Variants in SRGAP1 observed in about 807,000 individuals in gnomAD.
SRGAP1 encodes the protein SLIT-ROBO Rho GTPase-activating protein 1.
In SRGAP1, 43 loss-of-function variants were observed where a neutral mutation model predicts 121.9. The ratio of observed to expected loss-of-function variants is 0.35; its 90% CI spans 0.28 to 0.46. SRGAP1 has a LOEUF of 0.46. Among genes scored for constraint, SRGAP1 ranks in the 20% least tolerant of loss-of-function variants. The probability of loss-of-function intolerance (pLI) is 1.00; values close to 1 mark genes in which losing one functional copy is unlikely to be tolerated. For missense variants in SRGAP1, 1,102 were observed against 1,350.9 expected, an observed-to-expected ratio of 0.82 and a Z score of 2.89; for synonymous variants, 447 against 485.4, an observed-to-expected ratio of 0.92 and a Z score of 1.04.
intron 1 of SRGAP1, among the ~76,000 whole-genome samples, chr12:63,913,191 CTTCTTTTTTTTTTT>C (rs2030594302): frequency 1.8e-5 from 2 of 111,810 alleles, no homozygotes; most frequent in Non-Finnish European, 3.6e-5. Context: ...CTGGTAAATC[CTTCTTTTTTTTTTT>C]TTTTTTTTTT....
chr12:63,853,441 T>C (rs1436310567), intron 1 of SRGAP1, among the ~76,000 whole-genome samples: 5 of 152,236 alleles, frequency 3.3e-5, no homozygotes, highest in African/African-American at 4.8e-5. Flanking sequence ...CACTGGTAAA[T>C]TGTTAACTAA....
chr12:63,922,226 A>C (rs1399715928), intron 1 of SRGAP1, among the ~76,000 whole-genome samples: 2 of 151,998 alleles, frequency 1.3e-5, no homozygotes, highest in Non-Finnish European at 2.9e-5. Flanking sequence ...TGATCCACCC[A>C]CCTCAGCCTC....
chr12:64,056,055 A>T, intron 6 of SRGAP1, among the ~76,000 whole-genome samples: 1 of 142,946 alleles, frequency 7.0e-6, no homozygotes, highest in Admixed American at 6.9e-5. Flanking sequence ...CATCCTCCAC[A>T]CACATAACAA....
Position 64,079,483 on chromosome 12 carries a change from T to TTATATTTATA in SRGAP1, c.1323+381_1323+390dup, listed in dbSNP as rs1248190143. 2.7e-5 allele frequency among the ~76,000 whole-genome samples: 4 copies of TTATATTTATA among 147,986 alleles called. No homozygotes were observed. In the East Asian group the frequency reaches 5.9e-4, roughly 22 times the overall value. On this transcript the variant is annotated intron_variant, in intron 9 of 21. Coordinates refer to ENST00000355086, the MANE Select transcript of SRGAP1 (RefSeq NM_020762.4). ...GTCTCTACAAAACATATATATATAT[T>TTATATTTATA]TATATTTATATATATTTATATATGT...
At chr12:64,073,407 A>G (rs184175074) in intron 8 of SRGAP1, among the ~76,000 whole-genome samples, 1 of 152,330 alleles carries the variant, frequency 6.6e-6, no homozygotes, top group African/African-American at 2.4e-5. Context: ...TTATGTAACC[A>G]TCTGTCTCAT....
chr12:63,905,955 TAC>T (rs1185339437), intron 1 of SRGAP1, among the ~76,000 whole-genome samples: 1 of 152,206 alleles, frequency 6.6e-6, no homozygotes, highest in African/African-American at 2.4e-5. Flanking sequence ...CCTAAATTGA[TAC>T]AGTTGTGCAG....
At chr12:63,923,443 C>T (rs759173667) in intron 1 of SRGAP1, among the ~76,000 whole-genome samples, 40 of 152,098 alleles carry the variant, frequency 2.6e-4, no homozygotes, top group Non-Finnish European at 4.3e-4. Flanking sequence ...ATAAGGAAAT[C>T]AATCTGTTGT....
At chr12:64,091,076 T>C (rs1478571422) in intron 11 of SRGAP1, among the ~76,000 whole-genome samples, 200 bp from the exon 12 acceptor site, 1 of 152,090 alleles carries the variant, frequency 6.6e-6, no homozygotes, top group Non-Finnish European at 1.5e-5. Flanking sequence ...GAAACAGCAG[T>C]GTGAATAAAC....
intron 4 of SRGAP1, among the ~76,000 whole-genome samples, chr12:64,022,303 A>G (rs1413189443): frequency 1.3e-5 from 2 of 152,220 alleles, no homozygotes; most frequent in African/African-American, 4.8e-5. Context: ...GTCTGAGTTC[A>G]GGCCTGAAAA....
At chr12:63,925,603 C>T (rs866727783) in intron 1 of SRGAP1, among the ~76,000 whole-genome samples, 1 of 152,096 alleles carries the variant, frequency 6.6e-6, no homozygotes, top group Non-Finnish European at 1.5e-5. Context: ...ACTTAATTTT[C>T]ACAGTCACAG....
intron 1 of SRGAP1, among the ~76,000 whole-genome samples, chr12:63,916,995 T>G (rs2030809116): frequency 6.6e-6 from 1 of 152,180 alleles, no homozygotes; most frequent in Admixed American, 6.5e-5. Context: ...GCTGCTGATT[T>G]CTGCTGTGGT....
Position 63,868,334 on chromosome 12 carries a change from C to T in SRGAP1, c.67+23451C>T, listed in dbSNP as rs563253085. 6.6e-5 allele frequency among the ~76,000 whole-genome samples: 10 copies of T among 152,026 alleles called. No individual in the cohort carries two copies. The South Asian group carries it at 1.9e-3, about 28-fold the overall frequency. On this transcript the variant is annotated intron_variant, in intron 1 of 21. Coordinates refer to ENST00000355086, the MANE Select transcript of SRGAP1 (RefSeq NM_020762.4). ...CTGACTTCAGGTGATCCGCCCGCCTCAGCCTCCCAAAGTGTTGGGCTTACA... is the reference window on the plus strand; with the variant it reads ...CTGACTTCAGGTGATCCGCCCGCCTTAGCCTCCCAAAGTGTTGGGCTTACA...
At chr12:64,011,579 G>C (rs1429411807) in intron 3 of SRGAP1, among the ~76,000 whole-genome samples, 2 of 152,070 alleles carry the variant, frequency 1.3e-5, no homozygotes, top group Non-Finnish European at 2.9e-5. Flanking sequence ...AGTTCAGAGT[G>C]CTTAAAACAT....
chr12:63,941,301 A>G (rs2136350505), intron 1 of SRGAP1, among the ~76,000 whole-genome samples: 1 of 152,272 alleles, frequency 6.6e-6, no homozygotes, highest in African/African-American at 2.4e-5. Context: ...AATGGCTGTT[A>G]GGTCTTGTCA....
intron 4 of SRGAP1, among the ~76,000 whole-genome samples, chr12:64,035,712 T>A (rs2034890069): frequency 6.6e-6 from 1 of 152,162 alleles, no homozygotes; most frequent in African/African-American, 2.4e-5. Context: ...ATTGTTTTAG[T>A]TTTTATGAGG....
intron 1 of SRGAP1, among the ~76,000 whole-genome samples, chr12:63,975,670 A>G (rs1269917171): frequency 6.6e-6 from 1 of 152,118 alleles, no homozygotes; most frequent in Non-Finnish European, 1.5e-5. Context: ...CCACCTTGCA[A>G]GTACTCAGTG....
Position 63,908,512 on chromosome 12 carries a change from C to T in SRGAP1, c.67+63629C>T, listed in dbSNP as rs191097148. Among the ~76,000 whole-genome samples the T allele has an allele frequency of 2.9e-4, 44 of 152,268 alleles. No individual in the cohort carries two copies. The Middle Eastern group carries it at 0.01, about 35-fold the overall frequency. ...TCAAGCGATTCTTCTGCCTCAACCT[C>T]CTGAGTAGCTGGGATTATAGGCACC... On this transcript the variant is annotated intron_variant, in intron 1 of 21. Transcript: ENST00000355086.
chr12:63,962,170 C>CT (rs1034410593), intron 1 of SRGAP1, among the ~76,000 whole-genome samples: 2 of 152,108 alleles, frequency 1.3e-5, no homozygotes, highest in African/African-American at 4.8e-5. Flanking sequence ...TCTATATGGT[C>CT]TTTTTTTCCA....
chr12:64,124,327 CTT>C (rs56122267), intron 18 of SRGAP1, among the ~76,000 whole-genome samples: 8,443 of 152,254 alleles, frequency 0.055, 342 homozygotes, highest in Middle Eastern at 0.1. Flanking sequence ...AGAATAAACT[CTT>C]TTAAATGGGA....
Sources: gnomAD v4.1 joint callset for allele counts (sites outside exome capture counted in the v4.1 genomes callset) on GRCh38, gnomAD v4.1.1 for gene constraint, MANE v1.5 for transcripts, NCBI Gene and HGNC (gene_info 2026-07-23, HGNC 2026-07-21) for gene names.